SYNE3: variants seen among roughly 807,000 people sequenced by gnomAD.
The protein encoded by SYNE3 is nesprin-3.
A neutral mutation model predicts 111.2 loss-of-function variants in SYNE3; 100 were observed. That is an observed-to-expected ratio of 0.90 (90% CI 0.77 to 1.06). The LOEUF (loss-of-function observed/expected upper bound fraction) is 1.06, where lower values mean the gene tolerates loss of function less well. Ranked by LOEUF, SYNE3 falls within the 50% of genes least tolerant of loss-of-function variation. The probability of loss-of-function intolerance (pLI) is 0.00; values close to 1 mark genes in which losing one functional copy is unlikely to be tolerated. For synonymous variants in SYNE3, 547 were observed against 533.9 expected (o/e 1.02, Z -0.34); for missense variants, 1,160 against 1,240.3 (o/e 0.94, Z 0.97).
intron 11 of SYNE3, among the ~76,000 whole-genome samples, chr14:95,440,910 T>C (rs1025324743): frequency 5.3e-5 from 8 of 152,238 alleles, no homozygotes; most frequent in African/African-American, 1.9e-4. Context: ...CACTCAGATA[T>C]TCACGTTCAG....
chr14:95,447,621 GACCTGCAC>G, intron 8 of SYNE3, among the ~76,000 whole-genome samples: 1 of 152,322 alleles, frequency 6.6e-6, no homozygotes, highest in Non-Finnish European at 1.5e-5. Flanking sequence ...GTACTGGCAT[GACCTGCAC>G]ACCAGGGCAT....
At chr14:95,459,540 C>T (rs1887662849) in intron 4 of SYNE3, among the ~76,000 whole-genome samples, 1 of 152,174 alleles carries the variant, frequency 6.6e-6, no homozygotes, top group Non-Finnish European at 1.5e-5. Flanking sequence ...CACCATGGAG[C>T]CAGGCCCTGT....
chr14:95,452,968 C>G (rs914973589), intron 6 of SYNE3, among the ~76,000 whole-genome samples: 4 of 152,212 alleles, frequency 2.6e-5, no homozygotes, highest in African/African-American at 9.6e-5. Context: ...TGCAAACACT[C>G]CAGACACAGC....
chr14:95,505,355 C>T (rs908083035), intron 1 of SYNE3, among the ~76,000 whole-genome samples: 1 of 152,206 alleles, frequency 6.6e-6, no homozygotes, highest in Non-Finnish European at 1.5e-5. Context: ...AAAGCCACAC[C>T]GGGAAACCCT....
chr14:95,434,343 T>G (rs1885966160), intron 15 of SYNE3, among the ~76,000 whole-genome samples: 1 of 152,212 alleles, frequency 6.6e-6, no homozygotes, highest in South Asian at 2.1e-4. Context: ...TTGGAAGGAA[T>G]AGCTGTAAAA....
intron 7 of SYNE3, 73 bp downstream of exon 7, chr14:95,452,174 C>A: frequency 6.8e-7 from 1 of 1,480,724 alleles, no homozygotes; most frequent in Non-Finnish European, 9.0e-7. Context: ...GAAAGCAAGC[C>A]CGCCTTCTGG....
At chr14:95,437,338 C>T (rs1886147645) in intron 14 of SYNE3, among the ~76,000 whole-genome samples, 1 of 152,218 alleles carries the variant, frequency 6.6e-6, no homozygotes, top group Non-Finnish European at 1.5e-5. Flanking sequence ...CTTGGTTATC[C>T]ACATTGGTGC....
rs111823491 is a variant in SYNE3 at position 95,422,167 on chromosome 14, G to A, written c.2728-4141C>T. Among the ~76,000 whole-genome samples, 29 of 151,822 alleles carry A rather than the reference G, an allele frequency of 1.9e-4. 1 individual carries two copies. The highest frequency in any genetic ancestry group is 4.8e-4 in the African/African-American group (20 of 41,386). On this transcript the variant is annotated intron_variant, in intron 17 of 17. Coordinates refer to ENST00000682763, the MANE Select transcript of SYNE3 (RefSeq NM_152592.6). ...CCATCAGCTTCTCCCTCAATACATCGGAGGCCACCACTGAGACATGGGCCA... is the reference window on the plus strand; with the variant it reads ...CCATCAGCTTCTCCCTCAATACATCAGAGGCCACCACTGAGACATGGGCCA...
chr14:95,447,695 AC>A (rs1438732586), intron 8 of SYNE3, among the ~76,000 whole-genome samples: 1 of 152,112 alleles, frequency 6.6e-6, no homozygotes, highest in African/African-American at 2.4e-5. Flanking sequence ...GGAGTCAGTC[AC>A]CTTTACCCCC....
intron 15 of SYNE3, among the ~76,000 whole-genome samples, chr14:95,436,245 T>A (rs1886078908): frequency 6.6e-6 from 1 of 152,198 alleles, no homozygotes; most frequent in Non-Finnish European, 1.5e-5. Flanking sequence ...GGGGAATTAA[T>A]GTTATGCTGG....
chr14:95,515,983 G>A (rs1427596789), intron 1 of SYNE3, among the ~76,000 whole-genome samples: 1 of 152,240 alleles, frequency 6.6e-6, no homozygotes, highest in African/African-American at 2.4e-5. Context: ...GGCTCTCTCA[G>A]GCCCTGCAAG....
intron 1 of SYNE3, among the ~76,000 whole-genome samples, chr14:95,512,452 G>T (rs1402928232): frequency 6.6e-6 from 1 of 152,204 alleles, no homozygotes; most frequent in Non-Finnish European, 1.5e-5. Context: ...TACTCAGGAG[G>T]CTGAGGCAGA....
intron 1 of SYNE3, among the ~76,000 whole-genome samples, chr14:95,489,122 T>C (rs1889708820): frequency 6.6e-6 from 1 of 152,234 alleles, no homozygotes; most frequent in South Asian, 2.1e-4. Context: ...CTCAGGGTGC[T>C]GCCAGCCAAC....
chr14:95,443,772 A>G (rs2181745), intron 10 of SYNE3: 34,215 of 152,416 alleles, frequency 0.22, 4,221 homozygotes, highest in Admixed American at 0.38. Flanking sequence ...TCGGCCTCCC[A>G]AGTAGCTGGG....
intron 17 of SYNE3, chr14:95,430,000 A>G (rs1595180164): frequency 1.5e-5 from 5 of 325,570 alleles, no homozygotes; most frequent in Non-Finnish European, 2.2e-5. Context: ...GGAAGGAAGG[A>G]AAGAAGGGAG....
chr14:95,514,094 C>A (rs1890821520), intron 1 of SYNE3, among the ~76,000 whole-genome samples: 1 of 152,128 alleles, frequency 6.6e-6, no homozygotes, highest in African/African-American at 2.4e-5. Context: ...CCTCTGTAGG[C>A]TTCTCTAGAA....
At position 95,418,019 on chromosome 14, in the gene SYNE3, C is replaced by T. The variant is rs765445342; in HGVS notation, c.2735G>A (p.Arg912Gln). Residue 912 changes from arginine (R) to glutamine (Q), a missense_variant, in exon 18 of 18, where the codon CGG (arginine) becomes CAG (glutamine). Transcript: ENST00000682763. ...GAAGAGGGAGCCCAGTCCTCGCCAC[C>T]GCCGAGTCTGCGGAACCAACACAGC... ...GEPTGFQKTR[R>Q]WRGLGSLFRR... The T allele has an allele frequency of 9.9e-6, 16 of 1,609,210 alleles. No individual in the cohort carries two copies. In the African/African-American group the frequency reaches 1.2e-4, roughly 12 times the overall value.
At chr14:95,465,578 T>TA (rs1219134518) in intron 4 of SYNE3, among the ~76,000 whole-genome samples, 1 of 152,016 alleles carries the variant, frequency 6.6e-6, no homozygotes, top group Admixed American at 6.6e-5. Flanking sequence ...AAGAGATGAA[T>TA]AGCAGATTGA....
chr14:95,486,225 A>C (rs1889538546), intron 1 of SYNE3, among the ~76,000 whole-genome samples: 1 of 149,984 alleles, frequency 6.7e-6, no homozygotes, highest in African/African-American at 2.5e-5. Context: ...GGCCCCCATC[A>C]CCCCCAAGAA....
Sources: gnomAD v4.1 joint callset for allele counts (sites outside exome capture counted in the v4.1 genomes callset) on GRCh38, gnomAD v4.1.1 for gene constraint, MANE v1.5 for transcripts, NCBI Gene and HGNC (gene_info 2026-07-23, HGNC 2026-07-21) for gene names.